ZEB1: variants seen among roughly 807,000 people sequenced by gnomAD.
ZEB1 encodes the protein zinc finger E-box-binding homeobox 1.
ZEB1 carries 21 observed loss-of-function variants against 84.9 expected under a neutral mutation model. The observed-to-expected ratio is 0.25, with a 90% CI of 0.18 to 0.36. The LOEUF (loss-of-function observed/expected upper bound fraction) is 0.36. Ranked by LOEUF, ZEB1 falls within the 10% of genes least tolerant of loss-of-function variation. The pLI is 1.00. For missense variants in ZEB1, 1,104 were observed against 1,330.2 expected (o/e 0.83, Z 2.65); for synonymous variants, 420 against 471.1 (o/e 0.89, Z 1.41).
Position 31,473,211 on chromosome 10 carries a change from C to A in ZEB1, c.259+11974C>A, listed in dbSNP as rs1312780281. 8.7e-3 allele frequency among the ~76,000 whole-genome samples: 1,310 copies of A among 151,054 alleles called. 12 individuals are homozygous for A. Among genetic ancestry groups the A allele is most frequent in the African/African-American group, 0.03 (1,225 of 40,674 alleles). ...ATAGTGTTGGAATTTCTGGCCAGGG[C>A]AATTAGGCAGGAGAAGGAAATAAAG... On this transcript the variant is annotated intron_variant, in intron 2 of 8. Coordinates refer to ENST00000424869, the MANE Select transcript of ZEB1 (RefSeq NM_001174096.2).
At chr10:31,509,172 G>A (rs1369756015) in intron 4 of ZEB1, among the ~76,000 whole-genome samples, 2 of 152,148 alleles carry the variant, frequency 1.3e-5, no homozygotes, top group Non-Finnish European at 2.9e-5. Context: ...GTGCTGTGCT[G>A]TAGCTACTTA....
intron 1 of ZEB1, among the ~76,000 whole-genome samples, chr10:31,449,118 C>G (rs578172876): frequency 2.6e-5 from 4 of 152,204 alleles, no homozygotes; most frequent in African/African-American, 9.6e-5. Flanking sequence ...TCTCATGGTG[C>G]GCCATTTTTT....
chr10:31,520,884 G>A lies in ZEB1; in HGVS notation c.1552G>A (p.Glu518Lys). ...ACCAGAAGATCTTACTGTTAAGTCT[G>A]AGAAGGACAAAAGCTTTGAAGGGGG... Reference protein sequence around the residue: ...KLPEDLTVKSEKDKSFEGGVN... With the variant: ...KLPEDLTVKSKKDKSFEGGVN... The change falls in exon 7 of 9, where the codon GAG (glutamate) becomes AAG (lysine). Residue 518 changes from glutamate (E) to lysine (K), a missense_variant. Physicochemically the swap from Glu to Lys is moderately conservative, Grantham distance 56. Coordinates refer to ENST00000424869, the MANE Select transcript of ZEB1 (RefSeq NM_001174096.2). This position sits in a 1 kb window ranked among gnomAD's most constrained non-coding sequence, Gnocchi z 5.1. 1 of 1,614,098 alleles carries A rather than the reference G, an allele frequency of 6.2e-7. No homozygotes were observed. The highest frequency in any genetic ancestry group is 8.5e-7 in the Non-Finnish European group (1 of 1,180,006).
intron 1 of ZEB1, among the ~76,000 whole-genome samples, chr10:31,375,442 T>G (rs1195108333): frequency 1.3e-5 from 2 of 151,850 alleles, no homozygotes; most frequent in African/African-American, 4.8e-5. Context: ...GGGTTCATGA[T>G]GCCCAGTGGA....
At chr10:31,511,455 G>A (rs2070008430) in intron 5 of ZEB1, among the ~76,000 whole-genome samples, 1 of 151,998 alleles carries the variant, frequency 6.6e-6, no homozygotes, top group African/African-American at 2.4e-5. Flanking sequence ...CCAGTTTTCA[G>A]AAGTATAAAC....
At chr10:31,381,665 G>A (rs1231358318) in intron 1 of ZEB1, 1 of 152,132 alleles carries the variant, frequency 6.6e-6, no homozygotes, top group South Asian at 2.1e-4. Context: ...TGTAAGAATA[G>A]GTGTGTTACC....
chr10:31,368,931 A>G (rs2045137421), intron 1 of ZEB1, among the ~76,000 whole-genome samples: 1 of 152,346 alleles, frequency 6.6e-6, no homozygotes, highest in South Asian at 2.1e-4. Context: ...TGAACTAACA[A>G]GCATGTTGTG....
intron 1 of ZEB1, among the ~76,000 whole-genome samples, chr10:31,420,102 T>G (rs1358822201): frequency 1.3e-5 from 2 of 152,146 alleles, no homozygotes; most frequent in African/African-American, 4.8e-5. Flanking sequence ...CAGCCACTCT[T>G]AAGTCCTATA....
chr10:31,348,957 T>A (rs2040820303), intron 1 of ZEB1, among the ~76,000 whole-genome samples: 1 of 152,212 alleles, frequency 6.6e-6, no homozygotes, highest in Admixed American at 6.5e-5. Context: ...AAATCTACTC[T>A]TCACAATTTT....
intron 1 of ZEB1, among the ~76,000 whole-genome samples, chr10:31,327,839 C>G (rs1234971520): frequency 6.6e-6 from 1 of 152,146 alleles, no homozygotes; most frequent in Non-Finnish European, 1.5e-5. Context: ...CTACATTTTG[C>G]TAATTTTTCA....
At chr10:31,504,335 G>A (rs1483277096) in intron 4 of ZEB1, among the ~76,000 whole-genome samples, 2 of 151,724 alleles carry the variant, frequency 1.3e-5, no homozygotes, top group Non-Finnish European at 2.9e-5. Flanking sequence ...TTTTACTAAT[G>A]CCATGCTGTT....
At chr10:31,439,755 A>G (rs1253852475) in intron 1 of ZEB1, among the ~76,000 whole-genome samples, 3 of 152,162 alleles carry the variant, frequency 2.0e-5, no homozygotes, top group Non-Finnish European at 4.4e-5. Context: ...AGAATATTAC[A>G]GGTAGAGTGA....
chr10:31,455,818 A>G (rs1265621934), intron 1 of ZEB1, among the ~76,000 whole-genome samples: 1 of 152,222 alleles, frequency 6.6e-6, no homozygotes, highest in Non-Finnish European at 1.5e-5. Flanking sequence ...GGGTGTGTAA[A>G]TTAGTTCAAC....
At chr10:31,495,551 AT>A (rs2067103690) in intron 2 of ZEB1, among the ~76,000 whole-genome samples, 1 of 151,988 alleles carries the variant, frequency 6.6e-6, no homozygotes, top group South Asian at 2.1e-4. Flanking sequence ...TCCTTTTCAG[AT>A]TTCGGGAAGT....
At chr10:31,357,546 A>G (rs182385264) in intron 1 of ZEB1, among the ~76,000 whole-genome samples, 20 of 152,306 alleles carry the variant, frequency 1.3e-4, no homozygotes, top group Admixed American at 1.3e-3. Flanking sequence ...CTAAGATTGA[A>G]TAACTCTGCT....
At position 31,355,792 on chromosome 10, in the gene ZEB1, A is replaced by G. The variant is rs1262353733; in HGVS notation, c.58+36500A>G. The stretch of plus-strand genomic sequence containing the variant: ...AAGTAAATGTAGAGAAGAATGTAGG[A>G]AAGAGATTATGCATTCTTCAGGATT... On this transcript the variant is annotated intron_variant, in intron 1 of 8. Transcript: ENST00000424869. Among the ~76,000 whole-genome samples, 4 of 152,274 alleles carry G rather than the reference A, an allele frequency of 2.6e-5. 1 individual carries two copies. Among genetic ancestry groups the G allele is most frequent in the Admixed American group, 2.0e-4 (3 of 15,288 alleles).
rs1466405675 is a variant in ZEB1, at chr10:31,502,377, G to A, written c.352G>A (p.Glu118Lys). ...AGATGATGAATGCGAGTCAGATGCAGAAAATGAGCAAAACCATGATCCTAA... is the reference window on the plus strand; with the variant it reads ...AGATGATGAATGCGAGTCAGATGCAAAAAATGAGCAAAACCATGATCCTAA... ...VKDDECESDA[E>K]NEQNHDPNVE... The change falls in exon 4 of 9, where the codon GAA (glutamate) becomes AAA (lysine). Residue 118 changes from glutamate (E) to lysine (K), a missense_variant. This residue lies in a region of ZEB1 where 162 missense variants were observed against 184.5 expected (regional missense o/e 0.88). Transcript: ENST00000424869. The A allele has an allele frequency of 1.2e-6, 2 of 1,613,762 alleles. No individual in the cohort carries two copies. Among genetic ancestry groups the A allele is most frequent in the Admixed American group, 3.3e-5 (2 of 59,990 alleles).
chr10:31,390,026 A>C (rs560582266), intron 1 of ZEB1, among the ~76,000 whole-genome samples: 1 of 152,058 alleles, frequency 6.6e-6, no homozygotes, highest in Non-Finnish European at 1.5e-5. Flanking sequence ...GACCCTGCGA[A>C]CTCCCCTTGT....
In ZEB1 at chr10:31,448,445, G is replaced by T. The variant is rs1274448221; in HGVS notation, c.59-12592G>T. ...GTCATTCTCCATCCAGCTTTGTTCC[G>T]TTGCTGGTGAGGAACTGCGTTCCTT... On this transcript the variant is annotated intron_variant, in intron 1 of 8. Coordinates refer to ENST00000424869, the MANE Select transcript of ZEB1 (RefSeq NM_001174096.2). Among the ~76,000 whole-genome samples the T allele has an allele frequency of 7.6e-3, 1,118 of 146,982 alleles. 9 individuals carry two copies. The highest frequency in any genetic ancestry group is 0.027 in the African/African-American group (1,035 of 38,088).
Sources: allele counts gnomAD v4.1 joint callset (sites outside exome capture counted in the v4.1 genomes callset), GRCh38; gene constraint gnomAD v4.1.1; regional missense constraint gnomAD v4.1.1; non-coding constraint Gnocchi (gnomAD v3.1); transcripts MANE v1.5; gene names NCBI Gene and HGNC (gene_info 2026-07-23, HGNC 2026-07-21).